KCTD13: variants seen among roughly 807,000 people sequenced by gnomAD.
KCTD13 encodes the protein potassium channel tetramerization domain containing 13.
KCTD13 carries 15 observed loss-of-function variants against 32.3 expected under a neutral mutation model. The observed-to-expected ratio is 0.46, with a 90% confidence interval of 0.31 to 0.71. The LOEUF (loss-of-function observed/expected upper bound fraction) is 0.71. KCTD13 is among the 30% of genes least tolerant of loss of function. The pLI is 0.05. For missense variants in KCTD13, 337 were observed against 452.6 expected (o/e 0.74, Z 2.32); for synonymous variants, 189 against 200.1 (o/e 0.94, Z 0.47).
intron 5 of KCTD13, among the ~76,000 whole-genome samples, chr16:29,910,275 GT>G (rs1368166103): frequency 2.6e-5 from 4 of 151,964 alleles, no homozygotes; most frequent in Non-Finnish European, 4.4e-5. Context: ...GCACGTGCCT[GT>G]AGTCCTAGCT....
Position 29,926,107 on chromosome 16 carries a change from C to G in KCTD13, c.-74G>C, listed in dbSNP as rs1355037607. 1.4e-6 allele frequency: 2 copies of G among 1,421,592 alleles called. No individual in the cohort carries two copies. Among genetic ancestry groups the G allele is most frequent in the East Asian group, 2.7e-5 (1 of 37,492 alleles). The allele number at this position is 1,421,592 out of a possible 1,614,324, so 88.1% of individuals were successfully genotyped here. On this transcript the variant is annotated 5_prime_UTR_variant, in exon 1 of 6. Transcript: ENST00000568000. ...CGGCCTGCTCCCGAAGACCCTCGGC[C>G]GGCCCCCAGCCCTTGGGCCAGACCG... is the stretch of plus-strand genomic sequence containing the variant.
chr16:29,909,856 G>T (rs1295226180), intron 5 of KCTD13, among the ~76,000 whole-genome samples: 1 of 151,646 alleles, frequency 6.6e-6, no homozygotes, highest in Non-Finnish European at 1.5e-5. Flanking sequence ...GATCACTTGA[G>T]GTCAGGGGTT....
intron 1 of KCTD13, 30 bp from the exon 2 acceptor site, chr16:29,923,389 G>T: frequency 6.2e-7 from 1 of 1,604,890 alleles, no homozygotes; most frequent in Non-Finnish European, 8.5e-7. Context: ...CAGGGGGAAA[G>T]ATGGCTTTGC....
Position 29,911,948 on chromosome 16 carries a change from TG to T in KCTD13, c.504+11del, listed in dbSNP as rs2068720904. ...CAGTGAGCCTCCACCCTGCAGGGCTTGGGGGCCTCACCTTGGAGGTGCTGGC... is the reference window on the plus strand; with the variant it reads ...CAGTGAGCCTCCACCCTGCAGGGCTTGGGGCCTCACCTTGGAGGTGCTGGC... On this transcript the variant is annotated intron_variant, in intron 3 of 5. Coordinates refer to ENST00000568000, the MANE Select transcript of KCTD13 (RefSeq NM_178863.5). 6.2e-7 allele frequency: 1 copy of T among 1,610,540 alleles called. No individual in the cohort carries two copies. Among genetic ancestry groups the T allele is most frequent in the Non-Finnish European group, 8.5e-7 (1 of 1,178,812 alleles).
In KCTD13 at chr16:29,906,929, C is replaced by T; in HGVS notation, c.933G>A (p.Arg311=). The T allele has an allele frequency of 1.2e-6, 2 of 1,614,120 alleles. No individual in the cohort carries two copies. The highest frequency in any genetic ancestry group is 1.7e-6 in the Non-Finnish European group (2 of 1,180,016). ...GACGCTCGTCGTGGGTGATATGGCG[C>T]CGGACATGGATCCTGCGGACACGGT... is the stretch of plus-strand genomic sequence containing the variant. The part of the protein sequence containing the change: ...REHRVRRIHV[R]RHITHDERPH... Residue 311 remains arginine, a synonymous_variant, in exon 6 of 6, where the codon CGG becomes CGA. Transcript: ENST00000568000.
rs2068697383 is a variant in KCTD13 at position 29,910,953 on chromosome 16, A to G, written c.753+25T>C. On this transcript the variant is annotated intron_variant, in intron 5 of 5. Coordinates refer to ENST00000568000, the MANE Select transcript of KCTD13 (RefSeq NM_178863.5). ...TGGTCCTGGCCACCCCCAGCCCCCA[A>G]CATAGGCTCTGGAGCCCCTCTGACC... 7 of 1,603,724 alleles carry G rather than the reference A, an allele frequency of 4.4e-6. No homozygotes were observed. In the East Asian group the frequency reaches 6.7e-5, roughly 15 times the overall value.
chr16:29,926,091 C>G lies in KCTD13; in HGVS notation c.-58G>C. The G allele has an allele frequency of 1.4e-6, 2 of 1,437,308 alleles. No homozygotes were observed. The highest frequency in any genetic ancestry group is 3.0e-5 in the South Asian group (2 of 67,410). 89.0% of individuals were successfully genotyped at this position (1,437,308 alleles called of 1,614,324 possible). ...ATCTCTCCGCGCCCTGCGGCCTGCT[C>G]CCGAAGACCCTCGGCCGGCCCCCAG... On this transcript the variant is annotated 5_prime_UTR_variant, in exon 1 of 6. Transcript: ENST00000568000.
At chr16:29,909,967 C>T (rs1272234107) in intron 5 of KCTD13, among the ~76,000 whole-genome samples, 1 of 151,724 alleles carries the variant, frequency 6.6e-6, no homozygotes, top group African/African-American at 2.4e-5. Flanking sequence ...GGCATGGAGG[C>T]GGGTGCCTGT....
At chr16:29,925,626 G>A (rs1268447521) in intron 1 of KCTD13, 164 bp downstream of exon 1, 1 of 663,704 alleles carries the variant, frequency 1.5e-6, no homozygotes, top group Non-Finnish European at 2.6e-6. Context: ...TTATGAATGA[G>A]AAAGGGGAGG....
At chr16:29,915,798 T>G (rs1330820554) in intron 2 of KCTD13, among the ~76,000 whole-genome samples, 2 of 152,074 alleles carry the variant, frequency 1.3e-5, no homozygotes, top group Non-Finnish European at 2.9e-5. Context: ...ACAAAGGACT[T>G]TTTCATCACA....
chr16:29,911,765 C>T lies in KCTD13; in HGVS notation c.557+50G>A, dbSNP rs751271234. ...GCCCTCGCCTTGGGCAGAAGCAGGG[C>T]TGTGCTGCATCCCAGGGTCCCGCCC... On this transcript the variant is annotated intron_variant, in intron 4 of 5. Coordinates refer to ENST00000568000, the MANE Select transcript of KCTD13 (RefSeq NM_178863.5). 1.9e-6 allele frequency: 3 copies of T among 1,598,264 alleles called. No homozygotes were observed. The South Asian group carries it at 3.3e-5, about 18-fold the overall frequency.
At chr16:29,911,379 G>C (rs2068706165) in intron 4 of KCTD13, 1 of 584,716 alleles carries the variant, frequency 1.7e-6, no homozygotes. Context: ...GCACAGCACA[G>C]CACAGCAGCT....
intron 2 of KCTD13, chr16:29,919,724 A>G (rs2068873503): frequency 1.3e-5 from 2 of 151,928 alleles, no homozygotes; most frequent in South Asian, 4.2e-4. Context: ...ATACAACACG[A>G]TTGTATTTTG....
chr16:29,922,246 T>C (rs938986638), intron 2 of KCTD13: 1 of 152,044 alleles, frequency 6.6e-6, no homozygotes, highest in African/African-American at 2.4e-5. Context: ...AAAGGAGTTC[T>C]ACACCTTTGG....
chr16:29,924,700 T>C (rs188952192), intron 1 of KCTD13, among the ~76,000 whole-genome samples: 2 of 152,096 alleles, frequency 1.3e-5, no homozygotes, highest in East Asian at 1.9e-4. Flanking sequence ...CAAATACTTA[T>C]TGGACAAATG....
At chr16:29,917,439 G>A (rs1044409036) in intron 2 of KCTD13, among the ~76,000 whole-genome samples, 1 of 152,104 alleles carries the variant, frequency 6.6e-6, no homozygotes, top group Non-Finnish European at 1.5e-5. Context: ...TTGAGCTCAG[G>A]AGTTTGAGAC....
At chr16:29,909,606 C>G (rs1357571334) in intron 5 of KCTD13, among the ~76,000 whole-genome samples, 1 of 151,930 alleles carries the variant, frequency 6.6e-6, no homozygotes, top group Non-Finnish European at 1.5e-5. Flanking sequence ...TCAGGATCTA[C>G]AAACTCAGAG....
intron 5 of KCTD13, among the ~76,000 whole-genome samples, chr16:29,910,383 C>T (rs1319067862): frequency 6.6e-6 from 1 of 151,538 alleles, no homozygotes; most frequent in African/African-American, 2.4e-5. Flanking sequence ...GGTGACACAA[C>T]GAGACTCCAT....
intron 5 of KCTD13, 138 bp downstream of exon 5, chr16:29,910,840 A>C: frequency 1.4e-6 from 1 of 696,906 alleles, no homozygotes; most frequent in Non-Finnish European, 2.4e-6. Flanking sequence ...TGGCTTGCCC[A>C]CTGTTGTGCA....
Sources: allele counts gnomAD v4.1 joint callset (sites outside exome capture counted in the v4.1 genomes callset), GRCh38; gene constraint gnomAD v4.1.1; transcripts MANE v1.5; gene names NCBI Gene and HGNC (gene_info 2026-07-23, HGNC 2026-07-21).